The following DYNC1I2 variants were observed in gnomAD, a reference collection of about 807,000 sequenced individuals.
DYNC1I2 encodes cytoplasmic dynein 1 intermediate chain 2.
Under a neutral mutation model 88.6 loss-of-function variants are expected in DYNC1I2, and 53 were observed. That is an observed-to-expected ratio of 0.60 (90% CI 0.48 to 0.75). The LOEUF is 0.75. Among genes scored for constraint, DYNC1I2 ranks in the 30% least tolerant of loss-of-function variants. DYNC1I2 has a pLI of 0.00. For synonymous variants in DYNC1I2, 198 were observed against 254.6 expected (o/e 0.78, Z 2.12); for missense variants, 458 against 766.6 (o/e 0.60, Z 4.75).
intron 7 of DYNC1I2, among the ~76,000 whole-genome samples, chr2:171,719,872 T>C (rs1412704485): frequency 2.6e-5 from 4 of 152,230 alleles, no homozygotes; most frequent in Non-Finnish European, 5.9e-5. Flanking sequence ...ACCACGTGAC[T>C]TCAGTCGATT....
At chr2:171,717,589 AAG>A (rs1403011290) in intron 7 of DYNC1I2, among the ~76,000 whole-genome samples, 1 of 152,198 alleles carries the variant, frequency 6.6e-6, no homozygotes, top group Non-Finnish European at 1.5e-5. Flanking sequence ...TTTAAAAAGA[AAG>A]AAAGTATGGA....
intron 3 of DYNC1I2, among the ~76,000 whole-genome samples, chr2:171,694,374 G>A (rs185094972): frequency 6.6e-6 from 1 of 152,248 alleles, no homozygotes; most frequent in East Asian, 1.9e-4. Context: ...TTGAAAAGAG[G>A]TGGCTGGGTG....
intron 3 of DYNC1I2, among the ~76,000 whole-genome samples, chr2:171,701,177 A>G (rs369489026): frequency 3.2e-4 from 48 of 152,188 alleles, no homozygotes; most frequent in East Asian, 2.1e-3. Context: ...AAAAGAGATC[A>G]TTCCCCTGCT....
intron 4 of DYNC1I2, chr2:171,707,015 C>T: frequency 1.9e-6 from 1 of 538,220 alleles, no homozygotes; most frequent in Non-Finnish European, 3.3e-6. Context: ...GATGAAGATG[C>T]ATCCTTCCAT....
chr2:171,701,329 C>A (rs1005350388), intron 3 of DYNC1I2, among the ~76,000 whole-genome samples: 12 of 152,092 alleles, frequency 7.9e-5, no homozygotes, highest in African/African-American at 2.9e-4. Flanking sequence ...GCCAACAAGC[C>A]CAGCTAATTT....
chr2:171,707,140 C>A (rs1423792783), intron 4 of DYNC1I2, 147 bp from the exon 5 acceptor site: 3 of 1,151,774 alleles, frequency 2.6e-6, no homozygotes, highest in South Asian at 1.4e-5. Context: ...TTCTGCTGTT[C>A]ATTTTCATTC....
At chr2:171,723,005 A>G (rs573444948) in intron 7 of DYNC1I2, among the ~76,000 whole-genome samples, 2 of 152,342 alleles carry the variant, frequency 1.3e-5, no homozygotes, top group South Asian at 4.1e-4. Flanking sequence ...GGCATGGCAA[A>G]TGCTGTATAG....
In DYNC1I2 at chr2:171,706,753, T is replaced by G. The variant is rs544858218; in HGVS notation, c.244+189T>G. 1.0e-3 allele frequency: 498 copies of G among 488,474 alleles called. 2 individuals are homozygous for G. The highest frequency in any genetic ancestry group is 8.7e-3 in the African/African-American group (438 of 50,304). The allele number at this position is 488,474 out of a possible 1,614,324, so 30.3% of individuals were successfully genotyped here. Reference sequence around the variant, plus strand: ...ATTTCTCTAAATTGATATCTTTTTTTGGGGGGGAGGCAGTGAAATCATTTT... The same window carrying G: ...ATTTCTCTAAATTGATATCTTTTTTGGGGGGGGAGGCAGTGAAATCATTTT... On this transcript the variant is annotated intron_variant, in intron 4 of 17. Transcript: ENST00000397119.
chr2:171,741,095 G>T (rs1689394663), intron 15 of DYNC1I2, among the ~76,000 whole-genome samples: 2 of 152,068 alleles, frequency 1.3e-5, no homozygotes, highest in African/African-American at 4.8e-5. Flanking sequence ...TTTGCATAAT[G>T]TTTTCAAGGG....
intron 15 of DYNC1I2, among the ~76,000 whole-genome samples, chr2:171,741,752 G>A (rs999722654): frequency 6.6e-6 from 1 of 152,096 alleles, no homozygotes; most frequent in African/African-American, 2.4e-5. Context: ...CTGAGTTCAA[G>A]GTCACAAAGA....
intron 3 of DYNC1I2, among the ~76,000 whole-genome samples, chr2:171,699,291 G>T (rs1686026483): frequency 6.6e-6 from 1 of 152,042 alleles, no homozygotes; most frequent in African/African-American, 2.4e-5. Context: ...TGGGCAACAG[G>T]GTGAGACTCC....
At chr2:171,723,797 T>C (rs1574588034) in intron 7 of DYNC1I2, among the ~76,000 whole-genome samples, 3 of 152,324 alleles carry the variant, frequency 2.0e-5, no homozygotes, top group African/African-American at 7.2e-5. Context: ...CACCGCCTCC[T>C]CAGCAGGGTC....
intron 7 of DYNC1I2, 24 bp from the exon 8 acceptor site, chr2:171,725,594 G>GTTTT (rs759936366): frequency 1.4e-5 from 17 of 1,175,908 alleles, no homozygotes; most frequent in Admixed American, 6.7e-5. Flanking sequence ...TTGTTTTTTT[G>GTTTT]TTTGTTTTTT....
At chr2:171,704,547 A>G (rs539122511) in intron 3 of DYNC1I2, among the ~76,000 whole-genome samples, 22 of 152,338 alleles carry the variant, frequency 1.4e-4, no homozygotes, top group African/African-American at 4.3e-4. Flanking sequence ...TGTTCTTACT[A>G]AGCAGATCAT....
At position 171,725,924 on chromosome 2, in the gene DYNC1I2, C is replaced by T; in HGVS notation, c.613C>T (p.Pro205Ser). 2 of 1,568,226 alleles carry T rather than the reference C, an allele frequency of 1.3e-6. No homozygotes were observed. The highest frequency in any genetic ancestry group is 1.7e-6 in the Non-Finnish European group (2 of 1,166,526). Residue 205 changes from proline (P) to serine (S), a missense_variant, in exon 9 of 18, where the codon CCT (proline) becomes TCT (serine). Pro to Ser is a moderately conservative substitution (Grantham distance 74, BLOSUM62 -1). Around this residue, in one of 5 missense-constraint regions of DYNC1I2, gnomAD observed 203 missense variants for 354.2 expected, o/e 0.57. Transcript: ENST00000397119. ...KDEENDSKAP[P>S]HELTEEEKQQ... is the part of the protein sequence containing the mutation. ...AAAAATTATTTATTTTCCAGCTCCC[C>T]CTCATGAGCTGACTGAAGAAGAAAA...
At chr2:171,730,241 C>T (rs1192449151) in intron 15 of DYNC1I2, among the ~76,000 whole-genome samples, 2 of 152,072 alleles carry the variant, frequency 1.3e-5, no homozygotes, top group African/African-American at 2.4e-5. Flanking sequence ...TTCATAACTA[C>T]AGTGGCTCAC....
rs1395835043 is a variant in DYNC1I2 at position 171,744,178 on chromosome 2, A to G, written c.1666A>G (p.Asn556Asp). 1 of 1,608,080 alleles carries G rather than the reference A, an allele frequency of 6.2e-7. No individual in the cohort carries two copies. The highest frequency in any genetic ancestry group is 1.7e-5 in the Admixed American group (1 of 58,744). The change falls in exon 16 of 18, where the codon AAT becomes GAT. Residue 556 changes from asparagine (N) to aspartate (D), a missense_variant. By Grantham distance (23) the Asn-to-Asp change is conservative. This residue lies in a region of DYNC1I2 where 188 missense variants were observed against 300.4 expected (regional missense o/e 0.63). Transcript: ENST00000397119. ...GAGATTGGATTTGTGGAATCTCAAT[A>G]ATGACACAGAGGTGAGCAGGAAAAT... ...MGRLDLWNLNNDTEVPTASIS... is the reference protein window; with the variant it reads ...MGRLDLWNLNDDTEVPTASIS...
At chr2:171,697,687 A>AG in intron 3 of DYNC1I2, among the ~76,000 whole-genome samples, 1 of 151,036 alleles carries the variant, frequency 6.6e-6, no homozygotes, top group African/African-American at 2.4e-5. Context: ...GTCTCTACAA[A>AG]AAAAAAAAAA....
chr2:171,723,785 A>G (rs1688055061), intron 7 of DYNC1I2, among the ~76,000 whole-genome samples: 1 of 152,104 alleles, frequency 6.6e-6, no homozygotes, highest in African/African-American at 2.4e-5. Context: ...TCCCCTTTGC[A>G]CCACCGCCTC....
Sources: allele counts gnomAD v4.1 joint callset (sites outside exome capture counted in the v4.1 genomes callset), GRCh38; gene constraint gnomAD v4.1.1; regional missense constraint gnomAD v4.1.1; transcripts MANE v1.5; gene names NCBI Gene and HGNC (gene_info 2026-07-23, HGNC 2026-07-21).